Variants in SEM1 observed in about 807,000 individuals in gnomAD.
SEM1 encodes SEM1 26S proteasome subunit.
A neutral mutation model predicts 12.7 loss-of-function variants in SEM1; 3 were observed. The observed-to-expected ratio is 0.24, with a 90% CI of 0.11 to 0.61. The LOEUF (loss-of-function observed/expected upper bound fraction) is 0.61, where lower values mean the gene tolerates loss of function less well. SEM1 is among the 20% of genes least tolerant of loss of function. The pLI is 0.88. For synonymous variants in SEM1, 30 were observed against 27.8 expected (o/e 1.08, Z -0.25); for missense variants, 59 against 81.3 (o/e 0.73, Z 1.06).
Position 96,709,698 on chromosome 7 carries a change from G to A in SEM1, c.66C>T (p.Phe22=), listed in dbSNP as rs768581125. Residue 22 remains phenylalanine (F), a synonymous_variant, in exon 1 of 3, where the codon TTC becomes TTT. Coordinates refer to ENST00000248566, the MANE Select transcript of SEM1 (RefSeq NM_006304.2). ...LLEEDDEFEE[F]PAEDWAGLDE... Reference sequence around the variant, plus strand: ...GGGCCCAGCGGTTACCTTCGGCAGGGAACTCTTCAAACTCGTCGTCTTCCT... The same window carrying A: ...GGGCCCAGCGGTTACCTTCGGCAGGAAACTCTTCAAACTCGTCGTCTTCCT... 1.7e-5 allele frequency: 27 copies of A among 1,613,246 alleles called. No homozygotes were observed. The African/African-American group carries it at 2.9e-4, about 18-fold the overall frequency.
At chr7:96,559,607 C>G (rs1017365212) in intron 2 of SEM1, among the ~76,000 whole-genome samples, 18 of 152,170 alleles carry the variant, frequency 1.2e-4, no homozygotes, top group African/African-American at 3.1e-4. Flanking sequence ...TTGTTTTTCT[C>G]TCTAAATGGC....
At chr7:96,706,729 C>A (rs1239677067) in intron 1 of SEM1, among the ~76,000 whole-genome samples, 1 of 152,104 alleles carries the variant, frequency 6.6e-6, no homozygotes, top group East Asian at 1.9e-4. Flanking sequence ...AAAAGAAAAT[C>A]TATTAGTCGA....
intron 2 of SEM1, among the ~76,000 whole-genome samples, chr7:96,663,966 G>A (rs1459963723): frequency 3.3e-5 from 5 of 152,188 alleles, no homozygotes; most frequent in Admixed American, 2.6e-4. Context: ...AAAAATGTTA[G>A]AGTTGAATAT....
chr7:96,577,430 ATTAT>A (rs989843981), intron 2 of SEM1, among the ~76,000 whole-genome samples: 3 of 151,994 alleles, frequency 2.0e-5, no homozygotes, highest in Non-Finnish European at 2.9e-5. Context: ...TAATTATAAA[ATTAT>A]TTATTATAAA....
In SEM1 at chr7:96,709,806, T is replaced by C. The variant is rs1286770262; in HGVS notation, c.-43A>G. 1 of 1,596,046 alleles carries C rather than the reference T, an allele frequency of 6.3e-7. No individual in the cohort carries two copies. Among genetic ancestry groups the C allele is most frequent in the Non-Finnish European group, 8.6e-7 (1 of 1,164,418 alleles). On this transcript the variant is annotated 5_prime_UTR_variant, in exon 1 of 3. Coordinates refer to ENST00000248566, the MANE Select transcript of SEM1 (RefSeq NM_006304.2). ...AACACCTCCCAGATAAGCAGAAAAG[T>C]TGGAACCCTCACTCTTCCTCAAGGA...
intron 2 of SEM1, among the ~76,000 whole-genome samples, chr7:96,631,702 A>G (rs1476423094): frequency 6.6e-6 from 1 of 152,228 alleles, no homozygotes; most frequent in Non-Finnish European, 1.5e-5. Context: ...AAATTGACAA[A>G]TGGGATCTAA....
chr7:96,653,232 C>A (rs914267839), intron 2 of SEM1, among the ~76,000 whole-genome samples: 14 of 151,292 alleles, frequency 9.3e-5, no homozygotes, highest in African/African-American at 2.7e-4. Context: ...AAACACAGAA[C>A]AAAACAAAAA....
intron 2 of SEM1, among the ~76,000 whole-genome samples, chr7:96,510,897 G>A (rs919000298): frequency 3.9e-5 from 6 of 152,016 alleles, no homozygotes; most frequent in Non-Finnish European, 8.8e-5. Context: ...AGATTATTTG[G>A]ATGAAATTAT....
chr7:96,705,331 T>G (rs1191324530), intron 1 of SEM1, among the ~76,000 whole-genome samples: 1 of 143,960 alleles, frequency 6.9e-6, no homozygotes, highest in African/African-American at 2.6e-5. Flanking sequence ...TCAATTTCAT[T>G]CTAAATATTC....
At chr7:96,572,135 C>A (rs1225840971) in intron 2 of SEM1, among the ~76,000 whole-genome samples, 2 of 152,020 alleles carry the variant, frequency 1.3e-5, no homozygotes, top group African/African-American at 2.4e-5. Context: ...GTGATATCCT[C>A]TTCATCATTT....
chr7:96,666,615 T>C (rs2116556026), intron 2 of SEM1, among the ~76,000 whole-genome samples: 1 of 151,712 alleles, frequency 6.6e-6, no homozygotes, highest in Non-Finnish European at 1.5e-5. Context: ...CAAGAATTGC[T>C]TGAATGCTGC....
At chr7:96,604,763 A>T (rs1399378835) in intron 2 of SEM1, among the ~76,000 whole-genome samples, 1 of 152,012 alleles carries the variant, frequency 6.6e-6, no homozygotes, top group Non-Finnish European at 1.5e-5. Context: ...CACTAAAAAT[A>T]CAAAAATTAG....
At chr7:96,554,983 G>A (rs6465522) in intron 2 of SEM1, among the ~76,000 whole-genome samples, 55,476 of 114,588 alleles carry the variant, frequency 0.48, 17,034 homozygotes, top group Non-Finnish European at 0.66. Context: ...GTTTATTTGC[G>A]TAGAGGTGTT....
At chr7:96,690,256 T>G (rs1013333954) in intron 2 of SEM1, among the ~76,000 whole-genome samples, 3 of 152,114 alleles carry the variant, frequency 2.0e-5, no homozygotes, top group African/African-American at 7.2e-5. Flanking sequence ...ACAAAAACAA[T>G]GAACAAAAAA....
chr7:96,664,184 C>G (rs919943536), intron 2 of SEM1: 8 of 152,186 alleles, frequency 5.3e-5, no homozygotes, highest in African/African-American at 1.9e-4. Context: ...CTTGAAACAA[C>G]AAAAATGTAT....
At chr7:96,581,220 A>C (rs1806392963) in intron 2 of SEM1, among the ~76,000 whole-genome samples, 1 of 152,166 alleles carries the variant, frequency 6.6e-6, no homozygotes, top group Non-Finnish European at 1.5e-5. Context: ...CCATTTATTA[A>C]ATAGGGAATC....
Position 96,603,299 on chromosome 7 carries a change from C to G in SEM1, c.170+91499G>C, listed in dbSNP as rs544492760. The stretch of plus-strand genomic sequence containing the variant: ...GGAGAATGGTTGACCAGTTACCAAA[C>G]ACACTGAGTATACTTACTATGTTGT... On this transcript the variant is annotated intron_variant and NMD_transcript_variant, in intron 2 of 3. Transcript: ENST00000466986. Among the ~76,000 whole-genome samples, 134 of 152,186 alleles carry G rather than the reference C, an allele frequency of 8.8e-4. 1 individual carries two copies. The highest frequency in any genetic ancestry group is 1.2e-3 in the Non-Finnish European group (82 of 68,036).
intron 2 of SEM1, among the ~76,000 whole-genome samples, chr7:96,524,237 G>A (rs926469174): frequency 2.6e-5 from 4 of 151,858 alleles, no homozygotes; most frequent in Non-Finnish European, 4.4e-5. Context: ...TCTCTCCTCC[G>A]AATTCTCAAC....
chr7:96,702,648 T>C (rs1198897721), intron 1 of SEM1, among the ~76,000 whole-genome samples: 1 of 152,180 alleles, frequency 6.6e-6, no homozygotes, highest in Non-Finnish European at 1.5e-5. Context: ...AGTTTGATGA[T>C]CACTGGAATA....
Sources: gnomAD v4.1 joint callset for allele counts (sites outside exome capture counted in the v4.1 genomes callset) on GRCh38, gnomAD v4.1.1 for gene constraint, MANE v1.5 for transcripts, NCBI Gene and HGNC (gene_info 2026-07-23, HGNC 2026-07-21) for gene names.